Variants in SLC24A3 observed in about 807,000 individuals in gnomAD.
The protein encoded by SLC24A3 is solute carrier family 24 member 3, also known as sodium/potassium/calcium exchanger 3.
In SLC24A3, 28 loss-of-function variants were observed where a neutral mutation model predicts 75.8. The observed-to-expected ratio is 0.37, with a 90% CI of 0.27 to 0.51. The LOEUF (loss-of-function observed/expected upper bound fraction) is 0.51, where lower values mean the gene tolerates loss of function less well. SLC24A3 is among the 20% of genes least tolerant of loss of function. The pLI is 0.94. For synonymous variants in SLC24A3, 372 were observed against 334.1 expected, an observed-to-expected ratio of 1.11 and a Z score of -1.24; for missense variants, 663 against 847.8, an observed-to-expected ratio of 0.78 and a Z score of 2.71.
In SLC24A3 at chr20:19,551,019, G is replaced by A. The variant is rs184987733; in HGVS notation, c.349-28981G>A. ...ATCTTTAGCGTGCTGTTTGGCCACA[G>A]GGAATAGAAACCCAACAAATAGTGG... On this transcript the variant is annotated intron_variant, in intron 3 of 16. Coordinates refer to ENST00000328041, the MANE Select transcript of SLC24A3 (RefSeq NM_020689.4). Among the ~76,000 whole-genome samples, 6 of 152,334 alleles carry A rather than the reference G, an allele frequency of 3.9e-5. No individual in the cohort carries two copies. In the South Asian group the frequency reaches 8.3e-4, roughly 21 times the overall value.
At chr20:19,396,208 T>C (rs1032361845) in intron 2 of SLC24A3, among the ~76,000 whole-genome samples, 8 of 152,216 alleles carry the variant, frequency 5.3e-5, no homozygotes, top group Admixed American at 1.3e-4. Flanking sequence ...GCCTTTCCAA[T>C]TGGTGCACTT....
intron 2 of SLC24A3, among the ~76,000 whole-genome samples, chr20:19,304,006 C>T (rs1300294465): frequency 6.6e-6 from 1 of 152,136 alleles, no homozygotes; most frequent in Non-Finnish European, 1.5e-5. Context: ...CTCCTAGCTT[C>T]GAGGATCCAA....
At chr20:19,688,418 G>C (rs1039266620) in intron 12 of SLC24A3, among the ~76,000 whole-genome samples, 1 of 152,246 alleles carries the variant, frequency 6.6e-6, no homozygotes, top group Non-Finnish European at 1.5e-5. Flanking sequence ...AGCTGCTAAG[G>C]AATCCCAGGC....
intron 2 of SLC24A3, among the ~76,000 whole-genome samples, chr20:19,397,916 G>A (rs189381722): frequency 3.9e-5 from 6 of 152,146 alleles, no homozygotes; most frequent in Admixed American, 6.5e-5. Context: ...CTGACTATTC[G>A]TCTGCCACTT....
chr20:19,429,002 C>G lies in SLC24A3; in HGVS notation c.272-86486C>G, dbSNP rs1055310097. ...CTTCTTTCCATCTTTAGGTTCTTCC[C>G]TCCCCCTCCAGTGTTTCTGCCCAGG... On this transcript the variant is annotated intron_variant, in intron 2 of 16. Transcript: ENST00000328041. Among the ~76,000 whole-genome samples, 4 of 152,288 alleles carry G rather than the reference C, an allele frequency of 2.6e-5. No individual in the cohort carries two copies. In the East Asian group the frequency reaches 7.7e-4, roughly 29 times the overall value.
chr20:19,641,160 C>T (rs1219611681), intron 6 of SLC24A3, among the ~76,000 whole-genome samples: 1 of 152,108 alleles, frequency 6.6e-6, no homozygotes, highest in Admixed American at 6.5e-5. Flanking sequence ...GCATTTGGAG[C>T]CTGAGCCCCC....
intron 12 of SLC24A3, among the ~76,000 whole-genome samples, chr20:19,687,780 T>G (rs1203042947): frequency 6.6e-6 from 1 of 152,150 alleles, no homozygotes; most frequent in African/African-American, 2.4e-5. Flanking sequence ...CGTATTTCTC[T>G]CCTGGATGAG....
intron 11 of SLC24A3, 55 bp from the exon 12 acceptor site, chr20:19,685,045 G>A: frequency 1.9e-6 from 3 of 1,539,904 alleles, no homozygotes; most frequent in South Asian, 2.5e-5. Context: ...TGTTCTGAGT[G>A]TAAGGTATTT....
chr20:19,313,798 C>G (rs943350357), intron 2 of SLC24A3, among the ~76,000 whole-genome samples: 2 of 152,184 alleles, frequency 1.3e-5, no homozygotes, highest in Admixed American at 6.5e-5. Flanking sequence ...GTGCTTGAAC[C>G]TTTTCTTCTG....
intron 1 of SLC24A3, among the ~76,000 whole-genome samples, chr20:19,252,524 T>C (rs757769636): frequency 1.3e-5 from 2 of 152,142 alleles, no homozygotes; most frequent in Non-Finnish European, 1.5e-5. Context: ...CTGTCATCTG[T>C]TGCAATCAGC....
At chr20:19,406,443 C>A (rs2122413750) in intron 2 of SLC24A3, among the ~76,000 whole-genome samples, 1 of 152,260 alleles carries the variant, frequency 6.6e-6, no homozygotes, top group South Asian at 2.1e-4. Flanking sequence ...CATGCAGAGA[C>A]TAACATAATT....
intron 6 of SLC24A3, among the ~76,000 whole-genome samples, chr20:19,586,282 A>G (rs1192937473): frequency 1.3e-5 from 2 of 152,150 alleles, no homozygotes; most frequent in Non-Finnish European, 2.9e-5. Flanking sequence ...TGATATCCTA[A>G]ATTTCTTCAT....
At chr20:19,391,945 T>A (rs1165053738) in intron 2 of SLC24A3, among the ~76,000 whole-genome samples, 1 of 152,234 alleles carries the variant, frequency 6.6e-6, no homozygotes, top group East Asian at 1.9e-4. Flanking sequence ...CTCCGAATCT[T>A]GTGCCTGGAG....
chr20:19,283,507 A>G (rs1983719014), intron 2 of SLC24A3, among the ~76,000 whole-genome samples: 1 of 152,268 alleles, frequency 6.6e-6, no homozygotes, highest in South Asian at 2.1e-4. Flanking sequence ...AAACATTTCC[A>G]TCATCACAGA....
intron 3 of SLC24A3, among the ~76,000 whole-genome samples, chr20:19,577,987 G>T (rs564954384): frequency 6.6e-6 from 1 of 152,186 alleles, no homozygotes; most frequent in African/African-American, 2.4e-5. Flanking sequence ...AGAATCTTAC[G>T]ATCTTATGGA....
intron 15 of SLC24A3, among the ~76,000 whole-genome samples, chr20:19,710,846 A>AAC (rs1276350478): frequency 2.0e-5 from 3 of 152,240 alleles, no homozygotes; most frequent in Non-Finnish European, 4.4e-5. Flanking sequence ...CAGTAGTAAG[A>AAC]ACACTTAAGA....
chr20:19,582,621 C>A (rs2122634576), intron 4 of SLC24A3, among the ~76,000 whole-genome samples: 1 of 152,328 alleles, frequency 6.6e-6, no homozygotes, highest in East Asian at 1.9e-4. Flanking sequence ...CTTCCCCTGT[C>A]TGGACCTTAC....
intron 13 of SLC24A3, chr20:19,694,498 C>T (rs771376378): frequency 3.3e-5 from 5 of 152,174 alleles, no homozygotes; most frequent in Non-Finnish European, 7.3e-5. Flanking sequence ...ATATCACAAA[C>T]ATTTTTTTAA....
intron 1 of SLC24A3, among the ~76,000 whole-genome samples, chr20:19,220,726 C>T (rs1230184786): frequency 6.6e-6 from 1 of 152,162 alleles, no homozygotes; most frequent in African/African-American, 2.4e-5. Flanking sequence ...CTTGTCTGCA[C>T]ATTGTAATCA....
Sources: gnomAD v4.1 joint callset for allele counts (sites outside exome capture counted in the v4.1 genomes callset) on GRCh38, gnomAD v4.1.1 for gene constraint, MANE v1.5 for transcripts, NCBI Gene and HGNC (gene_info 2026-07-23, HGNC 2026-07-21) for gene names.